The following CNTN5 variants were observed in gnomAD, a reference collection of about 807,000 sequenced individuals.
CNTN5 encodes contactin 5.
CNTN5 carries 77 observed loss-of-function variants against 129.1 expected under a neutral mutation model. The observed-to-expected ratio is 0.60, with a 90% CI of 0.50 to 0.72. The LOEUF (loss-of-function observed/expected upper bound fraction) is 0.72, where lower values mean the gene tolerates loss of function less well. CNTN5 is among the 30% of genes least tolerant of loss of function. The pLI is 0.00. For synonymous variants in CNTN5, 509 were observed against 465.6 expected, an observed-to-expected ratio of 1.09 and a Z score of -1.20; for missense variants, 1,478 against 1,328.8, an observed-to-expected ratio of 1.11 and a Z score of -1.75.
chr11:99,039,738 A>G (rs1011005323), intron 1 of CNTN5, among the ~76,000 whole-genome samples: 2 of 152,112 alleles, frequency 1.3e-5, no homozygotes, highest in Non-Finnish European at 2.9e-5. Flanking sequence ...GGATCCAAAA[A>G]CAAAGAAACC....
intron 21 of CNTN5, among the ~76,000 whole-genome samples, chr11:100,316,580 C>T (rs1382865953): frequency 6.6e-6 from 1 of 152,066 alleles, no homozygotes; most frequent in African/African-American, 2.4e-5. Flanking sequence ...TGCTTCTGTC[C>T]TGAAATTTTC....
At chr11:99,041,303 A>T (rs1863976076) in intron 1 of CNTN5, among the ~76,000 whole-genome samples, 1 of 152,078 alleles carries the variant, frequency 6.6e-6, no homozygotes. Flanking sequence ...CATATCTTTA[A>T]TATCTTCAGT....
chr11:99,220,099 A>C (rs1254580185), intron 1 of CNTN5, among the ~76,000 whole-genome samples: 1 of 151,978 alleles, frequency 6.6e-6, no homozygotes, highest in Admixed American at 6.6e-5. Flanking sequence ...GCCACGTTGC[A>C]ATTATGCATG....
chr11:99,615,548 T>G (rs1397465760), intron 3 of CNTN5, among the ~76,000 whole-genome samples: 1 of 152,174 alleles, frequency 6.6e-6, no homozygotes, highest in Non-Finnish European at 1.5e-5. Flanking sequence ...CTTGTTCTTT[T>G]GATTTACTTT....
chr11:99,594,339 C>G (rs1276638263), intron 3 of CNTN5, among the ~76,000 whole-genome samples: 1 of 152,128 alleles, frequency 6.6e-6, no homozygotes, highest in Non-Finnish European at 1.5e-5. Flanking sequence ...GCAGCTAATG[C>G]AGACAAGTGA....
intron 1 of CNTN5, among the ~76,000 whole-genome samples, chr11:99,220,882 A>T (rs1860365785): frequency 6.6e-6 from 1 of 151,126 alleles, no homozygotes; most frequent in Non-Finnish European, 1.5e-5. Flanking sequence ...CAATGATTTA[A>T]AAAAAAAATC....
chr11:99,033,413 T>TA (rs1863510085), intron 1 of CNTN5, among the ~76,000 whole-genome samples: 2 of 152,232 alleles, frequency 1.3e-5, no homozygotes, highest in Admixed American at 1.3e-4. Context: ...TGGAATGTTC[T>TA]TCCATTTGTT....
chr11:100,073,919 T>A (rs1443748600), intron 12 of CNTN5, among the ~76,000 whole-genome samples: 2 of 152,108 alleles, frequency 1.3e-5, no homozygotes, highest in African/African-American at 4.8e-5. Context: ...GAAATAGCCT[T>A]TACCTGTAGA....
At position 100,160,853 on chromosome 11, in the gene CNTN5, G is replaced by A. The variant is rs182198445; in HGVS notation, c.1581-30273G>A. ...ATCTGCAGTGCCACTAACGAGCAAC[G>A]TTTGATCTCCCTAATATGTAACTAA... On this transcript the variant is annotated intron_variant, in intron 13 of 24. Transcript: ENST00000524871. Among the ~76,000 whole-genome samples the A allele has an allele frequency of 3.9e-5, 6 of 151,900 alleles. No homozygotes were observed. The East Asian group carries it at 7.8e-4, about 20-fold the overall frequency.
chr11:99,983,864 T>C (rs567177017), intron 8 of CNTN5, among the ~76,000 whole-genome samples: 1 of 152,204 alleles, frequency 6.6e-6, no homozygotes, highest in Middle Eastern at 3.4e-3. Flanking sequence ...AAATTTGCAG[T>C]AGAGTGGGTT....
In CNTN5 at chr11:99,919,867, G is replaced by A. The variant is rs183329882; in HGVS notation, c.673+3718G>A. Among the ~76,000 whole-genome samples the A allele has an allele frequency of 4.4e-3, 652 of 148,804 alleles. 10 individuals are homozygous for A. The highest frequency in any genetic ancestry group is 3.3e-3 in the Non-Finnish European group (219 of 67,310). ...GACATGTTTTTGCCATGTTACTCAG[G>A]CTGTTCTTGAACTCCTAGGCTTAAG... On this transcript the variant is annotated intron_variant, in intron 7 of 24. Transcript: ENST00000524871.
At chr11:99,173,845 T>C (rs745867689) in intron 1 of CNTN5, among the ~76,000 whole-genome samples, 1 of 152,198 alleles carries the variant, frequency 6.6e-6, no homozygotes, top group Admixed American at 6.5e-5. Flanking sequence ...TATTAGGCTA[T>C]TATGGCAGCC....
chr11:99,918,905 G>A (rs780516596), intron 7 of CNTN5, among the ~76,000 whole-genome samples: 17 of 152,012 alleles, frequency 1.1e-4, no homozygotes, highest in Middle Eastern at 3.4e-3. Flanking sequence ...CCCTCCCATC[G>A]CAACAGCTTT....
At chr11:100,283,111 G>C (rs1473802641) in intron 18 of CNTN5, among the ~76,000 whole-genome samples, 1 of 152,050 alleles carries the variant, frequency 6.6e-6, no homozygotes, top group Non-Finnish European at 1.5e-5. Flanking sequence ...TAAGGTTCAA[G>C]ACAAAGTCTC....
intron 1 of CNTN5, among the ~76,000 whole-genome samples, chr11:99,099,551 C>G (rs1054244966): frequency 4.2e-4 from 3 of 7,110 alleles, no homozygotes; most frequent in Non-Finnish European, 5.0e-4. Context: ...AATGTGTATA[C>G]ACACACACAC....
chr11:99,625,320 C>T (rs1357067322), intron 3 of CNTN5, among the ~76,000 whole-genome samples: 2 of 152,028 alleles, frequency 1.3e-5, no homozygotes, highest in Admixed American at 6.6e-5. Context: ...AGTCACTAAG[C>T]CTCAAAGCAA....
intron 7 of CNTN5, among the ~76,000 whole-genome samples, chr11:99,916,593 C>CT (rs1179610164): frequency 2.6e-5 from 4 of 152,096 alleles, no homozygotes; most frequent in African/African-American, 7.2e-5. Context: ...CTAAGAAATG[C>CT]TTTTTTTGAG....
At position 99,662,780 on chromosome 11, in the gene CNTN5, G is replaced by A. The variant is rs146426527; in HGVS notation, c.55+106511G>A. 3.0e-3 allele frequency among the ~76,000 whole-genome samples: 455 copies of A among 152,192 alleles called. 6 individuals carry two copies. Among genetic ancestry groups the A allele is most frequent in the Middle Eastern group, 3.4e-3 (1 of 294 alleles). ...CAGCAACAGCAGCAGCATCACCAGG[G>A]CAGTACTTTTTAGAAATAAAGAATC... On this transcript the variant is annotated intron_variant, in intron 3 of 24. Coordinates refer to ENST00000524871, the MANE Select transcript of CNTN5 (RefSeq NM_014361.4).
intron 18 of CNTN5, among the ~76,000 whole-genome samples, chr11:100,281,368 T>C (rs1176871422): frequency 1.3e-5 from 2 of 152,172 alleles, no homozygotes; most frequent in East Asian, 1.9e-4. Flanking sequence ...TAATACTCTA[T>C]GGTAAAAGTT....
Sources: allele counts gnomAD v4.1 joint callset (sites outside exome capture counted in the v4.1 genomes callset), GRCh38; gene constraint gnomAD v4.1.1; transcripts MANE v1.5; gene names NCBI Gene and HGNC (gene_info 2026-07-23, HGNC 2026-07-21).